The following CRACR2A variants were observed in gnomAD, a reference collection of about 807,000 sequenced individuals.
CRACR2A encodes the protein EF-hand calcium-binding domain-containing protein 4B.
In CRACR2A, 79 loss-of-function variants were observed where a neutral mutation model predicts 90.5. The ratio of observed to expected loss-of-function variants is 0.87; its 90% CI spans 0.73 to 1.05. CRACR2A has a LOEUF of 1.05. Ranked by LOEUF, CRACR2A falls within the 50% of genes least tolerant of loss-of-function variation. The pLI, the probability that CRACR2A is intolerant of heterozygous loss-of-function variation, is 0.00. For synonymous variants in CRACR2A, 338 were observed against 356.7 expected (o/e 0.95, Z 0.59); for missense variants, 823 against 897.2 (o/e 0.92, Z 1.06).
intron 4 of CRACR2A, among the ~76,000 whole-genome samples, chr12:3,692,803 G>T (rs759031053): frequency 5.9e-5 from 9 of 152,166 alleles, no homozygotes; most frequent in Non-Finnish European, 1.0e-4. Flanking sequence ...GCATAGTTGT[G>T]CTGGTGGTGG....
intron 3 of CRACR2A, among the ~76,000 whole-genome samples, chr12:3,707,428 G>T (rs1009454380): frequency 6.6e-6 from 1 of 152,194 alleles, no homozygotes; most frequent in Non-Finnish European, 1.5e-5. Context: ...CTGTGAGATG[G>T]TTGCTGTTCA....
chr12:3,733,288 T>A (rs555408991), intron 1 of CRACR2A, 78 bp from the exon 2 acceptor site: 8 of 152,528 alleles, frequency 5.2e-5, no homozygotes, highest in African/African-American at 1.9e-4. Context: ...TGGGTTGGGC[T>A]TTGAGGCAGA....
chr12:3,626,070 G>A (rs1944251405), intron 17 of CRACR2A, among the ~76,000 whole-genome samples: 1 of 152,226 alleles, frequency 6.6e-6, no homozygotes, highest in South Asian at 2.1e-4. Flanking sequence ...TCATTTGTAA[G>A]TGCGTCAGGC....
chr12:3,703,380 C>T (rs982304075), intron 3 of CRACR2A, among the ~76,000 whole-genome samples: 1 of 152,182 alleles, frequency 6.6e-6, no homozygotes, highest in Admixed American at 6.5e-5. Context: ...CCACCGCACC[C>T]AGCTGCAAAA....
intron 17 of CRACR2A, among the ~76,000 whole-genome samples, chr12:3,620,528 G>C (rs377136679): frequency 6.6e-6 from 1 of 152,240 alleles, no homozygotes; most frequent in South Asian, 2.1e-4. Context: ...CTGTGCATTC[G>C]TTTTTACTGC....
intron 4 of CRACR2A, among the ~76,000 whole-genome samples, chr12:3,693,818 G>A (rs116638095): frequency 2.0e-5 from 3 of 152,110 alleles, no homozygotes; most frequent in African/African-American, 7.2e-5. Flanking sequence ...GTATCTTACT[G>A]GGGTTCTTTG....
chr12:3,654,190 A>G, intron 10 of CRACR2A, 22 bp downstream of exon 10: 2 of 1,606,596 alleles, frequency 1.2e-6, no homozygotes, highest in Non-Finnish European at 1.7e-6. Flanking sequence ...ACAGCAGAGG[A>G]GTGGACAAAG....
At chr12:3,681,380 A>G (rs1945448197) in intron 4 of CRACR2A, among the ~76,000 whole-genome samples, 1 of 152,252 alleles carries the variant, frequency 6.6e-6, no homozygotes, top group Non-Finnish European at 1.5e-5. Flanking sequence ...ATTTGAGTCT[A>G]GAGCAGACTC....
chr12:3,703,438 G>A (rs1945865624), intron 3 of CRACR2A, among the ~76,000 whole-genome samples: 1 of 152,180 alleles, frequency 6.6e-6, no homozygotes, highest in South Asian at 2.1e-4. Context: ...TAACTACAAT[G>A]TATCATGGAC....
chr12:3,619,356 C>A lies in CRACR2A; in HGVS notation c.1949G>T (p.Arg650Leu). The A allele has an allele frequency of 6.4e-7, 1 of 1,551,640 alleles. No homozygotes were observed. Residue 650 changes from arginine to leucine, a missense_variant, in exon 18 of 20, where the codon CGG becomes CTG. By Grantham distance (102) the Arg-to-Leu change is moderately radical (BLOSUM62 -2). Coordinates refer to ENST00000440314, the MANE Select transcript of CRACR2A (RefSeq NM_001144958.2). ...ATTACCCAGCAGAAGAACAGGCACC[C>A]GGTCTCCCACAGCTTCCTGCAGAAC... ...LSSVEEAVGD[R>L]VPVLLLGNKL... is the part of the protein sequence containing the mutation.
intron 6 of CRACR2A, among the ~76,000 whole-genome samples, chr12:3,673,982 C>A (rs73047293): frequency 0.15 from 22,437 of 152,112 alleles, 1,828 homozygotes; most frequent in South Asian, 0.26. Context: ...GCCTTCACGA[C>A]GGGCTCGTGG....
chr12:3,681,276 T>A (rs1447178852), intron 4 of CRACR2A, among the ~76,000 whole-genome samples: 1 of 152,162 alleles, frequency 6.6e-6, no homozygotes, highest in Non-Finnish European at 1.5e-5. Context: ...CCTAATAAGA[T>A]CTCAACTGCC....
chr12:3,636,216 T>C (rs59795865), intron 14 of CRACR2A, among the ~76,000 whole-genome samples: 2,290 of 152,374 alleles, frequency 0.015, 61 homozygotes, highest in African/African-American at 0.052. Flanking sequence ...TGATTCATAT[T>C]ACCAAATGGG....
At chr12:3,626,450 T>C (rs971755387) in intron 17 of CRACR2A, among the ~76,000 whole-genome samples, 5 of 152,276 alleles carry the variant, frequency 3.3e-5, no homozygotes, top group East Asian at 3.9e-4. Flanking sequence ...AATAAGCAAT[T>C]TGTTGCAGCA....
intron 1 of CRACR2A, among the ~76,000 whole-genome samples, chr12:3,751,438 C>T (rs981121471): frequency 5.3e-5 from 8 of 152,184 alleles, no homozygotes; most frequent in African/African-American, 1.9e-4. Flanking sequence ...GCTCCAGGAA[C>T]AACACTTCCC....
At chr12:3,656,086 G>C (rs1462484776) in intron 9 of CRACR2A, among the ~76,000 whole-genome samples, 1 of 152,228 alleles carries the variant, frequency 6.6e-6, no homozygotes, top group Non-Finnish European at 1.5e-5. Flanking sequence ...CCTCGTGGGG[G>C]AATGCTCGGC....
At chr12:3,720,464 A>AAAGCAAGC (rs1236159224) in intron 2 of CRACR2A, among the ~76,000 whole-genome samples, 76 of 150,906 alleles carry the variant, frequency 5.0e-4, no homozygotes, top group African/African-American at 1.8e-3. Flanking sequence ...AGAAAGAAAG[A>AAAGCAAGC]AAGCAAAAGA....
intron 3 of CRACR2A, among the ~76,000 whole-genome samples, chr12:3,705,874 G>C (rs1345135665): frequency 6.6e-6 from 1 of 152,128 alleles, no homozygotes; most frequent in Non-Finnish European, 1.5e-5. Flanking sequence ...TTTCTGGGTT[G>C]GTGTAGGGGG....
intron 1 of CRACR2A, among the ~76,000 whole-genome samples, chr12:3,748,127 T>A (rs1433263917): frequency 6.6e-6 from 1 of 152,188 alleles, no homozygotes; most frequent in African/African-American, 2.4e-5. Context: ...CTGCTGGGAC[T>A]TGCTTGGGTA....
Sources: gnomAD v4.1 joint callset for allele counts (sites outside exome capture counted in the v4.1 genomes callset) on GRCh38, gnomAD v4.1.1 for gene constraint, MANE v1.5 for transcripts, NCBI Gene and HGNC (gene_info 2026-07-23, HGNC 2026-07-21) for gene names.